VPS13D: variants seen among roughly 807,000 people sequenced by gnomAD.
VPS13D encodes intermembrane lipid transfer protein VPS13D.
A neutral mutation model predicts 461.9 loss-of-function variants in VPS13D; 187 were observed. The ratio of observed to expected loss-of-function variants is 0.40; its 90% CI spans 0.36 to 0.46. The LOEUF (loss-of-function observed/expected upper bound fraction) is 0.46, where lower values mean the gene tolerates loss of function less well. Among genes scored for constraint, VPS13D ranks in the 20% least tolerant of loss-of-function variants. The pLI is 0.60. For missense variants in VPS13D, 4,711 were observed against 5,364.9 expected (o/e 0.88, Z 3.81); for synonymous variants, 1,951 against 1,986.3 (o/e 0.98, Z 0.47).
In VPS13D at chr1:12,260,797, A is replaced by G; in HGVS notation, c.1212+3A>G. 3 of 1,613,988 alleles carry G rather than the reference A, an allele frequency of 1.9e-6. No individual in the cohort carries two copies. The highest frequency in any genetic ancestry group is 2.5e-6 in the Non-Finnish European group (3 of 1,179,806). On this transcript the variant is annotated splice_donor_region_variant and intron_variant, in intron 11 of 69. Coordinates refer to ENST00000620676, the MANE Select transcript of VPS13D (RefSeq NM_015378.4). Reference sequence around the variant, plus strand: ...ACAAACAGGAAGAACTAGCAGAGGTAAGAAATCCTCTACAAGAGGATTTGT... The same window carrying G: ...ACAAACAGGAAGAACTAGCAGAGGTGAGAAATCCTCTACAAGAGGATTTGT...
At chr1:12,488,554 A>G (rs1029681813) in intron 67 of VPS13D, among the ~76,000 whole-genome samples, 4 of 152,142 alleles carry the variant, frequency 2.6e-5, no homozygotes, top group Non-Finnish European at 4.4e-5. Context: ...CATTGAAAGA[A>G]AAAGATTATA....
chr1:12,249,157 T>G, intron 5 of VPS13D, 66 bp from the exon 6 acceptor site: 2 of 1,351,028 alleles, frequency 1.5e-6, no homozygotes, highest in South Asian at 2.6e-5. Context: ...TGCTTTTTCT[T>G]TTTTCTTTTC....
chr1:12,326,294 TTAA>T (rs1643183457), intron 35 of VPS13D, among the ~76,000 whole-genome samples: 2 of 150,638 alleles, frequency 1.3e-5, no homozygotes, highest in Non-Finnish European at 3.0e-5. Flanking sequence ...TTTTTTTTTT[TTAA>T]TTAAAGTTCT....
chr1:12,283,994 A>G (rs1200739235), intron 21 of VPS13D, among the ~76,000 whole-genome samples: 1 of 152,214 alleles, frequency 6.6e-6, no homozygotes, highest in Non-Finnish European at 1.5e-5. Context: ...CAGTGGAGTT[A>G]CTTTGCTTCT....
In VPS13D at chr1:12,277,366, A is replaced by G. The variant is rs1641645061; in HGVS notation, c.3778A>G (p.Arg1260Gly). The change falls in exon 19 of 70, where the codon AGA becomes GGA. Residue 1260 changes from arginine to glycine, a missense_variant. Physicochemically the swap from Arg to Gly is moderately radical, Grantham distance 125. Coordinates refer to ENST00000620676, the MANE Select transcript of VPS13D (RefSeq NM_015378.4). ...TGGCTACTTTGAATCTGTGTTTGTC[A>G]GAATGGAAGATGCAGCCCTCACTGA... ...DIGYFESVFV[R>G]MEDAALTEAL... is the part of the protein sequence containing the mutation. The G allele has an allele frequency of 1.9e-6, 3 of 1,614,236 alleles. No individual in the cohort carries two copies. Among genetic ancestry groups the G allele is most frequent in the East Asian group, 4.5e-5 (2 of 44,888 alleles).
At chr1:12,262,929 C>T (rs568661434) in intron 13 of VPS13D, among the ~76,000 whole-genome samples, 1 of 152,022 alleles carries the variant, frequency 6.6e-6, no homozygotes, top group Non-Finnish European at 1.5e-5. Flanking sequence ...GTTTTGAACT[C>T]CTGACCTCAA....
intron 21 of VPS13D, among the ~76,000 whole-genome samples, chr1:12,284,035 C>T (rs1641890912): frequency 6.6e-6 from 1 of 152,178 alleles, no homozygotes; most frequent in African/African-American, 2.4e-5. Context: ...CTTCCATCAT[C>T]TAAGATGACT....
In VPS13D at chr1:12,348,963, A is replaced by G; in HGVS notation, c.9210A>G (p.Ser3070=). ...TPMELRLDSP[S]APDKPVVLPA... is the part of the protein sequence containing the mutation. ...TGGAACTAAGACTGGATAGCCCATC[A>G]GCTCCAGACAGTATGTTTTGATTGT... is the stretch of plus-strand genomic sequence containing the variant. The change falls in exon 45 of 70, where the codon TCA becomes TCG. Residue 3070 remains serine, a synonymous_variant. Transcript: ENST00000620676. 6.2e-7 allele frequency: 1 copy of G among 1,614,192 alleles called. No homozygotes were observed. Among genetic ancestry groups the G allele is most frequent in the Non-Finnish European group, 8.5e-7 (1 of 1,180,034 alleles).
intron 56 of VPS13D, 147 bp downstream of exon 56, chr1:12,378,738 G>C (rs2101642251): frequency 1.7e-5 from 14 of 826,928 alleles, no homozygotes; most frequent in Non-Finnish European, 2.4e-5. Context: ...TCCCAAATAT[G>C]AGTATTGGGC....
At chr1:12,369,264 CTT>C (rs898710033) in intron 53 of VPS13D, among the ~76,000 whole-genome samples, 9 of 151,452 alleles carry the variant, frequency 5.9e-5, no homozygotes, top group African/African-American at 7.3e-5. Flanking sequence ...TAGCACATGT[CTT>C]TTAATTGGTG....
At chr1:12,493,287 C>T (rs113089666) in intron 67 of VPS13D, among the ~76,000 whole-genome samples, 11 of 151,400 alleles carry the variant, frequency 7.3e-5, no homozygotes, top group Admixed American at 5.3e-4. Flanking sequence ...AGGAGACCAT[C>T]GTGGCTAACA....
intron 26 of VPS13D, 48 bp downstream of exon 26, chr1:12,304,776 A>C (rs368329362): frequency 1.3e-6 from 2 of 1,579,768 alleles, no homozygotes; most frequent in Non-Finnish European, 1.7e-6. Flanking sequence ...GGAAATTCAC[A>C]GGACTGTTGA....
At chr1:12,437,329 C>T (rs1017915195) in intron 65 of VPS13D, among the ~76,000 whole-genome samples, 3 of 152,102 alleles carry the variant, frequency 2.0e-5, no homozygotes, top group African/African-American at 7.2e-5. Flanking sequence ...AAGGAAAAGG[C>T]CTTTAGACCC....
At chr1:12,242,741 T>A in intron 3 of VPS13D, 151 bp downstream of exon 3, 1 of 678,938 alleles carries the variant, frequency 1.5e-6, no homozygotes, top group Non-Finnish European at 2.5e-6. Flanking sequence ...GTGTGGTCTT[T>A]GGGCCACTCG....
At chr1:12,256,562 G>T in intron 8 of VPS13D, 59 bp downstream of exon 8, 1 of 1,575,858 alleles carries the variant, frequency 6.3e-7, no homozygotes, top group South Asian at 1.1e-5. Context: ...TGCAGTGAAA[G>T]TCTTGATATT....
Position 12,509,083 on chromosome 1 carries a change from G to A in VPS13D, c.*59G>A, listed in dbSNP as rs1184777034. 5 of 1,577,010 alleles carry A rather than the reference G, an allele frequency of 3.2e-6. No homozygotes were observed. Among genetic ancestry groups the A allele is most frequent in the Non-Finnish European group, 4.3e-6 (5 of 1,162,164 alleles). ...GCGCAGACCCACCAGGAGGAAAGAGGCCCAGCTCTCAGCTGACGATGGAGG... is the reference window on the plus strand; with the variant it reads ...GCGCAGACCCACCAGGAGGAAAGAGACCCAGCTCTCAGCTGACGATGGAGG... On this transcript the variant is annotated 3_prime_UTR_variant, in exon 70 of 70. Transcript: ENST00000620676.
intron 60 of VPS13D, among the ~76,000 whole-genome samples, chr1:12,394,447 C>A (rs933869554): frequency 6.6e-6 from 1 of 152,168 alleles, no homozygotes; most frequent in African/African-American, 2.4e-5. Context: ...TTGCCTTTGA[C>A]GATTGAGTGC....
intron 55 of VPS13D, among the ~76,000 whole-genome samples, chr1:12,375,128 CT>C (rs1297065697): frequency 6.6e-6 from 1 of 152,236 alleles, no homozygotes; most frequent in East Asian, 1.9e-4. Flanking sequence ...CCCTCACTCA[CT>C]TCCTTACTTT....
chr1:12,488,669 CAAAAAAAAAAAAA>C (rs79424685), intron 67 of VPS13D, among the ~76,000 whole-genome samples: 1 of 82,820 alleles, frequency 1.2e-5, no homozygotes, highest in South Asian at 4.2e-4. Flanking sequence ...TCATTTGAAC[CAAAAAAAAAAAAA>C]AAAAAAAAAA....
Sources: allele counts gnomAD v4.1 joint callset (sites outside exome capture counted in the v4.1 genomes callset), GRCh38; gene constraint gnomAD v4.1.1; transcripts MANE v1.5; gene names NCBI Gene and HGNC (gene_info 2026-07-23, HGNC 2026-07-21).